Variants in GRIA1 observed in about 807,000 individuals in gnomAD.
GRIA1 encodes glutamate ionotropic receptor AMPA type subunit 1.
In GRIA1, 31 loss-of-function variants were observed where a neutral mutation model predicts 99.2. The ratio of observed to expected loss-of-function variants is 0.31; its 90% CI spans 0.23 to 0.42. The LOEUF is 0.42. GRIA1 is among the 10% of genes least tolerant of loss of function. The pLI is 1.00. For synonymous variants in GRIA1, 438 were observed against 432.4 expected, an observed-to-expected ratio of 1.01 and a Z score of -0.16; for missense variants, 782 against 1,157.5, an observed-to-expected ratio of 0.68 and a Z score of 4.71.
At chr5:153,532,241 A>G (rs951000381) in intron 2 of GRIA1, among the ~76,000 whole-genome samples, 3 of 152,180 alleles carry the variant, frequency 2.0e-5, no homozygotes. Context: ...GCATTACTGT[A>G]CTGATCTTTC....
intron 2 of GRIA1, among the ~76,000 whole-genome samples, chr5:153,549,701 G>T (rs1759953188): frequency 6.6e-6 from 1 of 152,120 alleles, no homozygotes; most frequent in African/African-American, 2.4e-5. Flanking sequence ...TAATTGTCAG[G>T]CAACCCACTT....
Position 153,618,822 on chromosome 5 carries a change from T to C in GRIA1, c.221-28106T>C, listed in dbSNP as rs1223970425. On this transcript the variant is annotated intron_variant, in intron 2 of 15. Transcript: ENST00000285900. The stretch of plus-strand genomic sequence containing the variant: ...GTATTTATTACCTGTGACACTACTA[T>C]GTTGGCCAAGGAGAAGTTCTGTATA... 5.3e-5 allele frequency among the ~76,000 whole-genome samples: 8 copies of C among 152,294 alleles called. No homozygotes were observed. The East Asian group carries it at 1.4e-3, about 26-fold the overall frequency.
At chr5:153,524,329 A>G (rs1196535855) in intron 2 of GRIA1, among the ~76,000 whole-genome samples, 3 of 152,226 alleles carry the variant, frequency 2.0e-5, no homozygotes, top group African/African-American at 7.2e-5. Context: ...CAGTTTAAAA[A>G]AACAAAAAGA....
chr5:153,504,371 A>G (rs1226583256), intron 2 of GRIA1, among the ~76,000 whole-genome samples: 1 of 151,814 alleles, frequency 6.6e-6, no homozygotes, highest in Non-Finnish European at 1.5e-5. Flanking sequence ...CACTATCTAT[A>G]TATAGATGTA....
chr5:153,604,708 A>G (rs1765298559), intron 2 of GRIA1, among the ~76,000 whole-genome samples: 2 of 152,214 alleles, frequency 1.3e-5, no homozygotes, highest in African/African-American at 4.8e-5. Context: ...AATTTTGTCT[A>G]CATTTTGGAA....
intron 2 of GRIA1, among the ~76,000 whole-genome samples, chr5:153,548,370 T>C (rs1759801047): frequency 6.6e-6 from 1 of 152,126 alleles, no homozygotes; most frequent in African/African-American, 2.4e-5. Flanking sequence ...TGAAACACAG[T>C]TCTGAAATAG....
chr5:153,724,183 G>C (rs1029629338), intron 11 of GRIA1, among the ~76,000 whole-genome samples: 2 of 149,534 alleles, frequency 1.3e-5, no homozygotes, highest in Admixed American at 1.3e-4. Flanking sequence ...GCAGCTGAGG[G>C]TCCTGTCTCT....
intron 2 of GRIA1, among the ~76,000 whole-genome samples, chr5:153,582,523 T>G (rs927615975): frequency 6.6e-6 from 1 of 152,194 alleles, no homozygotes; most frequent in Non-Finnish European, 1.5e-5. Flanking sequence ...AGCACCACCT[T>G]GAAGACCTTT....
chr5:153,694,863 C>G (rs570503798), intron 8 of GRIA1, among the ~76,000 whole-genome samples: 1 of 151,270 alleles, frequency 6.6e-6, no homozygotes, highest in African/African-American at 2.4e-5. Flanking sequence ...AATATTTAAA[C>G]CTGTGGACTA....
chr5:153,579,960 C>CT (rs1236350269), intron 2 of GRIA1, among the ~76,000 whole-genome samples: 1 of 152,172 alleles, frequency 6.6e-6, no homozygotes, highest in Non-Finnish European at 1.5e-5. Context: ...CATTTTCACA[C>CT]TTTAGAAAAT....
Position 153,493,925 on chromosome 5 carries a change from T to C in GRIA1, c.83-3T>C, listed in dbSNP as rs1754169308. On this transcript the variant is annotated splice_polypyrimidine_tract_variant and splice_region_variant and intron_variant, in intron 1 of 15. Transcript: ENST00000285900. ...TACCATGTTGCATTTTCTTTTCTCA[T>C]AGGGGGATTATTTCCAAACCAGCAG... The C allele has an allele frequency of 6.2e-7, 1 of 1,614,004 alleles. No homozygotes were observed. Among genetic ancestry groups the C allele is most frequent in the South Asian group, 1.1e-5 (1 of 91,072 alleles).
At chr5:153,584,089 C>A (rs934240333) in intron 2 of GRIA1, among the ~76,000 whole-genome samples, 7 of 152,264 alleles carry the variant, frequency 4.6e-5, no homozygotes, top group Non-Finnish European at 7.4e-5. Flanking sequence ...CTGCCTCCAT[C>A]CCAAAGGATA....
intron 10 of GRIA1, among the ~76,000 whole-genome samples, chr5:153,704,403 G>A (rs1758744232): frequency 6.6e-6 from 1 of 152,232 alleles, no homozygotes; most frequent in Non-Finnish European, 1.5e-5. Context: ...GCCAACAGGA[G>A]CAGTGGATTT....
chr5:153,585,979 T>C (rs1364634663), intron 2 of GRIA1, among the ~76,000 whole-genome samples: 1 of 150,688 alleles, frequency 6.6e-6, no homozygotes, highest in Non-Finnish European at 1.5e-5. Context: ...GGAGGGGGAG[T>C]GTGCTGATTT....
At chr5:153,549,024 A>G (rs1759872807) in intron 2 of GRIA1, among the ~76,000 whole-genome samples, 1 of 152,176 alleles carries the variant, frequency 6.6e-6, no homozygotes, top group African/African-American at 2.4e-5. Flanking sequence ...AAAAACAACA[A>G]ACTTGAGTAA....
At chr5:153,787,517 T>C (rs1431678474) in intron 13 of GRIA1, among the ~76,000 whole-genome samples, 1 of 145,782 alleles carries the variant, frequency 6.9e-6, no homozygotes, top group Non-Finnish European at 1.5e-5. Flanking sequence ...CAAATTAGAA[T>C]CATGCCTGAT....
intron 11 of GRIA1, among the ~76,000 whole-genome samples, chr5:153,763,234 G>T (rs1269039748): frequency 1.3e-5 from 2 of 152,162 alleles, no homozygotes; most frequent in Non-Finnish European, 2.9e-5. Flanking sequence ...CACATATAAG[G>T]TCAACACAGA....
intron 1 of GRIA1, 51 bp from the exon 2 acceptor site, chr5:153,493,877 C>A (rs566464089): frequency 4.4e-6 from 7 of 1,604,364 alleles, no homozygotes; most frequent in South Asian, 1.1e-5. Context: ...TCGTGAGGAA[C>A]TAAAACCTGT....
chr5:153,527,005 G>C (rs957790728), intron 2 of GRIA1, among the ~76,000 whole-genome samples: 11 of 152,172 alleles, frequency 7.2e-5, no homozygotes, highest in African/African-American at 2.2e-4. Context: ...GGGTGCTCAG[G>C]GTTGTTTGTT....
Sources: allele counts gnomAD v4.1 joint callset (sites outside exome capture counted in the v4.1 genomes callset), GRCh38; gene constraint gnomAD v4.1.1; transcripts MANE v1.5; gene names NCBI Gene and HGNC (gene_info 2026-07-23, HGNC 2026-07-21).